The following LYPD8 variants were observed in gnomAD, a reference collection of about 807,000 sequenced individuals.
The protein encoded by LYPD8 is ly6/PLAUR domain-containing protein 8.
LYPD8 carries 8 observed loss-of-function variants against 1.7 expected under a neutral mutation model. The ratio of observed to expected loss-of-function variants is 4.58; its 90% CI spans 2.69 to 8.27. The LOEUF (loss-of-function observed/expected upper bound fraction) is 8.27, where lower values mean the gene tolerates loss of function less well. Among genes scored for constraint, LYPD8 ranks in the 30% most tolerant of loss-of-function variants. LYPD8 has a pLI of 0.00. For missense variants in LYPD8, 112 were observed against 102.3 expected, an observed-to-expected ratio of 1.09 and a Z score of -0.41; for synonymous variants, 50 against 43.6, an observed-to-expected ratio of 1.15 and a Z score of -0.58.
intron 2 of LYPD8, among the ~76,000 whole-genome samples, chr1:248,753,892 A>C (rs1193728890): frequency 2.0e-5 from 3 of 150,204 alleles, no homozygotes; most frequent in African/African-American, 7.4e-5. Flanking sequence ...CACACACACC[A>C]CACATCACAT....
intron 2 of LYPD8, among the ~76,000 whole-genome samples, chr1:248,754,538 C>T (rs1031505330): frequency 6.6e-6 from 1 of 151,290 alleles, no homozygotes; most frequent in Non-Finnish European, 1.5e-5. Context: ...ACACATCACA[C>T]ACCCTCACAC....
In LYPD8 at chr1:248,754,968, G is replaced by A. The variant is rs992319204; in HGVS notation, c.-50+271C>T. ...CTCTCAGGTCTTACAGTGTGATGGA[G>A]GAGGGGAAAGGAGAGGATGAGATGA... On this transcript the variant is annotated intron_variant, in intron 2 of 6. Coordinates refer to ENST00000590317, the MANE Select transcript of LYPD8 (RefSeq NM_001085474.2). 4.7e-5 allele frequency among the ~76,000 whole-genome samples: 7 copies of A among 149,222 alleles called. No homozygotes were observed. In the South Asian group the frequency reaches 1.5e-3, roughly 31 times the overall value.
chr1:248,753,806 T>C lies in LYPD8; in HGVS notation c.-50+1433A>G, dbSNP rs961647127. ...CACATCACATGTCATACACAGCACA[T>C]ACACCACACACACCACATAACATCA... On this transcript the variant is annotated intron_variant, in intron 2 of 6. Coordinates refer to ENST00000590317, the MANE Select transcript of LYPD8 (RefSeq NM_001085474.2). Among the ~76,000 whole-genome samples, 133 of 125,484 alleles carry C rather than the reference T, an allele frequency of 1.1e-3. 1 individual carries two copies. Among genetic ancestry groups the C allele is most frequent in the African/African-American group, 4.0e-3 (125 of 31,480 alleles). The allele number at this position is 125,484 out of a possible 152,430, so 82.3% of individuals were successfully genotyped here.
chr1:248,743,458 C>G (rs1553283763), intron 6 of LYPD8, among the ~76,000 whole-genome samples: 1 of 152,110 alleles, frequency 6.6e-6, no homozygotes, highest in East Asian at 1.9e-4. Flanking sequence ...GAGCAAGACT[C>G]CATCTCAAAA....
intron 6 of LYPD8, among the ~76,000 whole-genome samples, chr1:248,743,959 G>T (rs538282861): frequency 6.6e-6 from 1 of 152,290 alleles, no homozygotes; most frequent in East Asian, 1.9e-4. Flanking sequence ...AGGCTTTGGA[G>T]GTTGTTCTTT....
rs1040269338 is a variant in LYPD8 at position 248,745,372 on chromosome 1, G to A, written c.338-93C>T. 7.7e-4 allele frequency: 303 copies of A among 395,844 alleles called. 2 individuals carry two copies. In the East Asian group the frequency reaches 9.8e-3, roughly 13 times the overall value. 24.5% of individuals were successfully genotyped at this position (395,844 alleles called of 1,614,324 possible). ...AAGCAAAGAAAGCACCAAAGAGATCGGAGAACGGAGCAATGACATCCTTGG... is the reference window on the plus strand; with the variant it reads ...AAGCAAAGAAAGCACCAAAGAGATCAGAGAACGGAGCAATGACATCCTTGG... On this transcript the variant is annotated intron_variant, in intron 5 of 6. Transcript: ENST00000590317.
rs1662559889 is a variant in LYPD8, at chr1:248,739,994, G to T, written c.476-145C>A. On this transcript the variant is annotated intron_variant, in intron 6 of 6. Coordinates refer to ENST00000590317, the MANE Select transcript of LYPD8 (RefSeq NM_001085474.2). This position sits in a 1 kb window ranked among gnomAD's most constrained non-coding sequence, Gnocchi z 4.3. ...CCTGAAGCCCAGGCAGGAAGAAGGA[G>T]CCTGCGTGTTCAGAGTCAAGAACAC... 9.5e-7 allele frequency: 1 copy of T among 1,050,218 alleles called. No homozygotes were observed. Among genetic ancestry groups the T allele is most frequent in the Non-Finnish European group, 1.4e-6 (1 of 735,180 alleles). The allele number at this position is 1,050,218 out of a possible 1,614,324, so 65.1% of individuals were successfully genotyped here. A position where few individuals can be genotyped will look rare whatever the true frequency, so the allele number is the denominator to read the frequency against.
chr1:248,751,738 A>G (rs959131562), intron 2 of LYPD8, among the ~76,000 whole-genome samples: 282 of 152,214 alleles, frequency 1.9e-3, no homozygotes, highest in African/African-American at 6.5e-3. Context: ...TACTTCTGGG[A>G]GGTATCAGAA....
At position 248,739,943 on chromosome 1, in the gene LYPD8, C is replaced by G. The variant is rs527245584; in HGVS notation, c.476-94G>C. ...GTTCTTCACCTGCAGCACGGTGGCCCGGTGACCAGCAAGAGCTGGTGTGCT... is the reference window on the plus strand; with the variant it reads ...GTTCTTCACCTGCAGCACGGTGGCCGGGTGACCAGCAAGAGCTGGTGTGCT... On this transcript the variant is annotated intron_variant, in intron 6 of 6. Coordinates refer to ENST00000590317, the MANE Select transcript of LYPD8 (RefSeq NM_001085474.2). The surrounding 1 kb of genome is among the most constrained non-coding windows in gnomAD (Gnocchi z 4.3). 6.0e-6 allele frequency: 9 copies of G among 1,487,792 alleles called. No individual in the cohort carries two copies. In the East Asian group the frequency reaches 1.5e-4, roughly 24 times the overall value. The allele number at this position is 1,487,792 out of a possible 1,614,324, so 92.2% of individuals were successfully genotyped here.
Position 248,751,064 on chromosome 1 carries a change from A to C in LYPD8, c.18T>G (p.Val6=), listed in dbSNP as rs1464358293. The C allele has an allele frequency of 2.5e-6, 1 of 398,544 alleles. No individual in the cohort carries two copies. Among genetic ancestry groups the C allele is most frequent in the African/African-American group, 2.1e-5 (1 of 48,642 alleles). 24.7% of individuals were successfully genotyped at this position (398,544 alleles called of 1,614,324 possible). MKGIL[V]AGITAVLVAA... ...CAACAAGCACTGCAGTGATACCAGCAACGAGGATGCCCTTCATGGTGCTGG... is the reference window on the plus strand; with the variant it reads ...CAACAAGCACTGCAGTGATACCAGCCACGAGGATGCCCTTCATGGTGCTGG... Residue 6 remains valine (V), a synonymous_variant, in exon 3 of 7, where the codon GTT becomes GTG. Transcript: ENST00000590317.
At chr1:248,748,681 G>A (rs960212274) in intron 4 of LYPD8, among the ~76,000 whole-genome samples, 1 of 152,222 alleles carries the variant, frequency 6.6e-6, no homozygotes, top group African/African-American at 2.4e-5. Flanking sequence ...TTAAACTCCA[G>A]GCAAAAGTCT....
intron 2 of LYPD8, among the ~76,000 whole-genome samples, chr1:248,751,347 T>G (rs1279903502): frequency 6.6e-6 from 1 of 152,184 alleles, no homozygotes; most frequent in Non-Finnish European, 1.5e-5. Flanking sequence ...TACACGCAGA[T>G]ATGAAACACA....
chr1:248,739,624 C>A lies in LYPD8; in HGVS notation c.701G>T (p.Gly234Val). The A allele has an allele frequency of 7.1e-6, 11 of 1,551,448 alleles. No individual in the cohort carries two copies. The highest frequency in any genetic ancestry group is 8.7e-6 in the Non-Finnish European group (10 of 1,146,972). The part of the protein sequence containing the change: ...LLALASLLLR[G>V]LLP ...AGCCCCAGGACCTCAGGGCAGCAGT[C>A]CCCGAAGAAGGAGGCTGGCAAGGGC... The change falls in exon 7 of 7, where the codon GGA becomes GTA. Residue 234 changes from glycine (G) to valine (V), a missense_variant. Gly to Val is a moderately radical substitution (Grantham distance 109). Coordinates refer to ENST00000590317, the MANE Select transcript of LYPD8 (RefSeq NM_001085474.2). This position sits in a 1 kb window ranked among gnomAD's most constrained non-coding sequence, Gnocchi z 4.3.
At chr1:248,754,781 C>A (rs1662896293) in intron 2 of LYPD8, among the ~76,000 whole-genome samples, 1 of 152,128 alleles carries the variant, frequency 6.6e-6, no homozygotes, top group South Asian at 2.1e-4. Flanking sequence ...TAAAGCACAT[C>A]TGGTCTGGAG....
intron 4 of LYPD8, among the ~76,000 whole-genome samples, chr1:248,750,046 G>A (rs1017986120): frequency 7.9e-5 from 12 of 152,142 alleles, no homozygotes; most frequent in South Asian, 2.1e-4. Context: ...ATGTTTGAAC[G>A]TGTCTATTAC....
intron 6 of LYPD8, among the ~76,000 whole-genome samples, chr1:248,744,808 A>AC (rs200372930): frequency 0.074 from 11,280 of 152,222 alleles, 1,378 homozygotes; most frequent in African/African-American, 0.26. Context: ...TAAAAGTTGC[A>AC]CCACCCTCAC....
Position 248,739,958 on chromosome 1 carries a change from G to C in LYPD8, c.476-109C>G. ...CACGGTGGCCCGGTGACCAGCAAGA[G>C]CTGGTGTGCTCCTGAAGCCCAGGCA... On this transcript the variant is annotated intron_variant, in intron 6 of 6. Coordinates refer to ENST00000590317, the MANE Select transcript of LYPD8 (RefSeq NM_001085474.2). The surrounding 1 kb of genome is among the most constrained non-coding windows in gnomAD (Gnocchi z 4.3). 1 of 1,417,256 alleles carries C rather than the reference G, an allele frequency of 7.1e-7. No homozygotes were observed. The highest frequency in any genetic ancestry group is 9.5e-7 in the Non-Finnish European group (1 of 1,050,942). 87.8% of individuals were successfully genotyped at this position (1,417,256 alleles called of 1,614,324 possible). A position where few individuals can be genotyped will look rare whatever the true frequency, so the allele number is the denominator to read the frequency against.
chr1:248,753,058 CCCCA>C (rs1662846704), intron 2 of LYPD8, among the ~76,000 whole-genome samples: 1 of 91,640 alleles, frequency 1.1e-5, no homozygotes, highest in African/African-American at 4.7e-5. Flanking sequence ...CACACACACA[CCCCA>C]CACACCCCAC....
At chr1:248,750,939 T>C (rs1662790591) in intron 3 of LYPD8, 91 bp downstream of exon 3, 1 of 398,442 alleles carries the variant, frequency 2.5e-6, no homozygotes, top group South Asian at 1.3e-4. Context: ...ATTTGACATG[T>C]GAGGCCCTCG....
Sources: gnomAD v4.1 joint callset for allele counts (sites outside exome capture counted in the v4.1 genomes callset) on GRCh38, gnomAD v4.1.1 for gene constraint, Gnocchi (gnomAD v3.1) non-coding constraint, MANE v1.5 for transcripts, NCBI Gene and HGNC (gene_info 2026-07-23, HGNC 2026-07-21) for gene names.